Variants in ARHGEF26 observed in about 807,000 individuals in gnomAD.
ARHGEF26 encodes Rho guanine nucleotide exchange factor (GEF) 26.
Under a neutral mutation model 89.4 loss-of-function variants are expected in ARHGEF26, and 59 were observed. The ratio of observed to expected loss-of-function variants is 0.66; its 90% CI spans 0.54 to 0.82. The LOEUF is 0.82. Among genes scored for constraint, ARHGEF26 ranks in the 40% least tolerant of loss-of-function variants. The pLI, the probability that ARHGEF26 is intolerant of heterozygous loss-of-function variation, is 0.00. For missense variants in ARHGEF26, 1,234 were observed against 1,085.6 expected (o/e 1.14, Z -1.92); for synonymous variants, 500 against 428.4 (o/e 1.17, Z -2.06).
intron 12 of ARHGEF26, among the ~76,000 whole-genome samples, chr3:154,252,345 A>G (rs542625108): frequency 6.6e-5 from 10 of 152,320 alleles, no homozygotes; most frequent in African/African-American, 2.4e-4. Context: ...TAATAAATAC[A>G]TAAGAGAGTT....
chr3:154,176,551 G>T (rs1027662919), intron 6 of ARHGEF26, among the ~76,000 whole-genome samples: 1 of 152,108 alleles, frequency 6.6e-6, no homozygotes, highest in Non-Finnish European at 1.5e-5. Context: ...TCGCAATGAC[G>T]CTGCTTCACA....
chr3:154,177,703 G>A (rs1012752148), intron 6 of ARHGEF26, among the ~76,000 whole-genome samples: 3 of 152,116 alleles, frequency 2.0e-5, no homozygotes, highest in Non-Finnish European at 4.4e-5. Flanking sequence ...TGGGCCCTGG[G>A]CCTCCTGACC....
chr3:154,183,315 G>A (rs1713298148), intron 6 of ARHGEF26, among the ~76,000 whole-genome samples: 1 of 152,094 alleles, frequency 6.6e-6, no homozygotes, highest in Non-Finnish European at 1.5e-5. Flanking sequence ...AAAGATAAAG[G>A]TTGTGTAACA....
intron 3 of ARHGEF26, among the ~76,000 whole-genome samples, chr3:154,128,538 G>A (rs1003480155): frequency 2.0e-5 from 3 of 152,086 alleles, no homozygotes; most frequent in African/African-American, 4.8e-5. Flanking sequence ...CATGCCCGCC[G>A]GCCTCAACTC....
chr3:154,223,264 A>G (rs1716253857), intron 10 of ARHGEF26, among the ~76,000 whole-genome samples: 2 of 152,136 alleles, frequency 1.3e-5, no homozygotes, highest in East Asian at 1.9e-4. Context: ...TCCAAGAAAA[A>G]TCTTTGTGCT....
intron 6 of ARHGEF26, among the ~76,000 whole-genome samples, chr3:154,175,352 C>T (rs1420696214): frequency 6.6e-6 from 1 of 151,972 alleles, no homozygotes; most frequent in Non-Finnish European, 1.5e-5. Context: ...ACTCTTTTTA[C>T]CTTTTCATAT....
At chr3:154,185,730 A>T (rs1713485933) in intron 6 of ARHGEF26, among the ~76,000 whole-genome samples, 1 of 152,136 alleles carries the variant, frequency 6.6e-6, no homozygotes, top group East Asian at 1.9e-4. Context: ...TCTTCTTATG[A>T]CTGGAGATAG....
At position 154,147,755 on chromosome 3, in the gene ARHGEF26, C is replaced by T. The variant is rs181031871; in HGVS notation, c.1270-1634C>T. ...TTTCAGAGGTCTTTCCTATTAAAAA[C>T]TTTGTACACATTCTTTTTCCCCTTC... is the stretch of plus-strand genomic sequence containing the variant. On this transcript the variant is annotated intron_variant, in intron 4 of 14. Transcript: ENST00000465093. Among the ~76,000 whole-genome samples the T allele has an allele frequency of 2.6e-5, 4 of 152,272 alleles. No homozygotes were observed. In the East Asian group the frequency reaches 7.7e-4, roughly 29 times the overall value.
intron 14 of ARHGEF26, among the ~76,000 whole-genome samples, 153 bp from the exon 15 acceptor site, chr3:154,255,178 A>T (rs1311160400): frequency 6.6e-6 from 1 of 151,890 alleles, no homozygotes; most frequent in Non-Finnish European, 1.5e-5. Flanking sequence ...CATGTCATTC[A>T]TTCCCCCTCG....
intron 9 of ARHGEF26, among the ~76,000 whole-genome samples, chr3:154,202,626 A>G (rs1714720926): frequency 1.3e-5 from 2 of 152,022 alleles, no homozygotes; most frequent in East Asian, 1.9e-4. Flanking sequence ...GATTCTTCCT[A>G]CCCATGAGCA....
At chr3:154,133,951 GC>G (rs1359501169) in intron 4 of ARHGEF26, among the ~76,000 whole-genome samples, 1 of 151,960 alleles carries the variant, frequency 6.6e-6, no homozygotes, top group Non-Finnish European at 1.5e-5. Context: ...TTTTTTTGTG[GC>G]AATTGTGAAT....
intron 11 of ARHGEF26, among the ~76,000 whole-genome samples, chr3:154,233,964 A>G (rs1716961569): frequency 6.6e-6 from 1 of 152,258 alleles, no homozygotes; most frequent in African/African-American, 2.4e-5. Flanking sequence ...GAATAGGTAA[A>G]AAATAAATGT....
In ARHGEF26 at chr3:154,122,788, A is replaced by G. The variant is rs1379433503; in HGVS notation, c.796A>G (p.Asn266Asp). The G allele has an allele frequency of 6.2e-7, 1 of 1,611,242 alleles. No homozygotes were observed. The highest frequency in any genetic ancestry group is 1.7e-5 in the Admixed American group (1 of 59,552). Residue 266 changes from asparagine (N) to aspartate (D), a missense_variant, in exon 2 of 15, where the codon AAT becomes GAT. By Grantham distance (23) the Asn-to-Asp change is conservative. Transcript: ENST00000465093. The stretch of plus-strand genomic sequence containing the variant: ...GGAAATTAAAATAAGTAAATCCAAC[A>G]ATCAAAATGTGGAGCCCCACAAGAG... Reference protein sequence around the residue: ...ASEIKISKSNNQNVEPHKRLL... With the variant: ...ASEIKISKSNDQNVEPHKRLL...
At chr3:154,136,908 T>G (rs1274052747) in intron 4 of ARHGEF26, among the ~76,000 whole-genome samples, 1 of 152,222 alleles carries the variant, frequency 6.6e-6, no homozygotes, top group Non-Finnish European at 1.5e-5. Context: ...TGGAAAATTA[T>G]TTTCACTTTT....
At chr3:154,163,736 T>C (rs537822277) in intron 6 of ARHGEF26, among the ~76,000 whole-genome samples, 1 of 152,186 alleles carries the variant, frequency 6.6e-6, no homozygotes, top group Non-Finnish European at 1.5e-5. Context: ...CATTGTCTTA[T>C]TTTCTCATGG....
At chr3:154,124,373 T>TTTTTTTTTTTTTTTTTTTTC in intron 2 of ARHGEF26, 37 bp from the exon 3 acceptor site, 1 of 171,842 alleles carries the variant, frequency 5.8e-6, no homozygotes, top group South Asian at 1.0e-4. Flanking sequence ...TTGCTTTTCC[T>TTTTTTTTTTTTTTTTTTTTC]TTTTTTTTTT....
At chr3:154,174,141 G>C (rs1260187722) in intron 6 of ARHGEF26, among the ~76,000 whole-genome samples, 1 of 152,174 alleles carries the variant, frequency 6.6e-6, no homozygotes. Flanking sequence ...AGTAAAGTAG[G>C]ATGGGTGTGA....
chr3:154,202,786 T>G (rs560173398), intron 9 of ARHGEF26, among the ~76,000 whole-genome samples: 1,166 of 41,352 alleles, frequency 0.028, 14 homozygotes, highest in African/African-American at 0.13. Flanking sequence ...AGTTCACTCA[T>G]GATTTGGCTC....
chr3:154,171,384 A>G (rs1173661595), intron 6 of ARHGEF26, among the ~76,000 whole-genome samples: 1 of 152,186 alleles, frequency 6.6e-6, no homozygotes, highest in Non-Finnish European at 1.5e-5. Context: ...CACCTAAAGT[A>G]CATAATTTAC....
Sources: gnomAD v4.1 joint callset for allele counts (sites outside exome capture counted in the v4.1 genomes callset) on GRCh38, gnomAD v4.1.1 for gene constraint, MANE v1.5 for transcripts, NCBI Gene and HGNC (gene_info 2026-07-23, HGNC 2026-07-21) for gene names.